NID1: variants seen among roughly 807,000 people sequenced by gnomAD.
NID1 encodes nidogen 1, also known as nidogen-1.
A neutral mutation model predicts 130.6 loss-of-function variants in NID1; 76 were observed. The observed-to-expected ratio is 0.58, with a 90% CI of 0.48 to 0.70. The LOEUF is 0.70. NID1 is among the 30% of genes least tolerant of loss of function. The pLI is 0.00. For synonymous variants in NID1, 665 were observed against 675.1 expected (o/e 0.98, Z 0.23); for missense variants, 1,517 against 1,664.8 (o/e 0.91, Z 1.54).
chr1:236,024,363 C>T (rs1039301942), intron 8 of NID1, 150 bp from the exon 9 acceptor site: 20 of 928,362 alleles, frequency 2.2e-5, no homozygotes, highest in South Asian at 6.8e-5. Flanking sequence ...CCTGTGTTGC[C>T]CTGGGGCAGG....
rs1020456099 is a variant in NID1 at position 235,976,165 on chromosome 1, C to G, written c.*1702G>C. Reference sequence around the variant, plus strand: ...GATTCTTGGGGCTATATTTGCCTCTCAAGACAAACTCCAATTATTCAAGGA... The same window carrying G: ...GATTCTTGGGGCTATATTTGCCTCTGAAGACAAACTCCAATTATTCAAGGA... On this transcript the variant is annotated 3_prime_UTR_variant, in exon 20 of 20. Coordinates refer to ENST00000264187, the MANE Select transcript of NID1 (RefSeq NM_002508.3). 1 of 152,176 alleles carries G rather than the reference C, an allele frequency of 6.6e-6. No homozygotes were observed. Among genetic ancestry groups the G allele is most frequent in the Non-Finnish European group, 1.5e-5 (1 of 68,034 alleles). 9.4% of individuals were successfully genotyped at this position (152,176 alleles called of 1,614,324 possible). A position where few individuals can be genotyped will look rare whatever the true frequency, so the allele number is the denominator to read the frequency against.
chr1:236,044,329 A>AT (rs1659537695), intron 3 of NID1, among the ~76,000 whole-genome samples: 1 of 152,212 alleles, frequency 6.6e-6, no homozygotes, highest in Admixed American at 6.6e-5. Flanking sequence ...AACAAGTTAT[A>AT]TTTTTTAAAA....
rs558428442 is a variant in NID1, at chr1:236,055,027, G to A, written c.226-6038C>T. Among the ~76,000 whole-genome samples, 15 of 152,210 alleles carry A rather than the reference G, an allele frequency of 9.9e-5. No homozygotes were observed. The South Asian group carries it at 1.7e-3, about 17-fold the overall frequency. ...ATTTGCTTAAAAATAATTCAGGGCC[G>A]CGTGCGGTGGCTCACGCCTGTAATC... On this transcript the variant is annotated intron_variant, in intron 1 of 19. Transcript: ENST00000264187.
rs10927293 is a variant in NID1 at position 236,027,853 on chromosome 1, C to A, written c.1738+1697G>T. On this transcript the variant is annotated intron_variant, in intron 7 of 19. Transcript: ENST00000264187. ...CAAAACAACAACCAGAAAACAAAAA[C>A]AAAAACAAAAAAAACGAAGGGATTC... 3.3e-5 allele frequency among the ~76,000 whole-genome samples: 5 copies of A among 150,226 alleles called. No homozygotes were observed. The South Asian group carries it at 6.3e-4, about 19-fold the overall frequency.
intron 5 of NID1, among the ~76,000 whole-genome samples, chr1:236,034,422 C>CAAAAAAAA (rs144657585): frequency 7.6e-5 from 7 of 92,636 alleles, no homozygotes; most frequent in Non-Finnish European, 1.1e-4. Flanking sequence ...AACTCCATCT[C>CAAAAAAAA]AAAAAAAAAA....
At chr1:235,980,031 G>T in intron 17 of NID1, 86 bp from the exon 18 acceptor site, 1 of 1,452,222 alleles carries the variant, frequency 6.9e-7, no homozygotes, top group Non-Finnish European at 9.6e-7. Flanking sequence ...GAGGGCAAGA[G>T]TGGGAGAAAT....
chr1:236,044,373 C>T (rs956394792), intron 3 of NID1, among the ~76,000 whole-genome samples: 3 of 152,124 alleles, frequency 2.0e-5, no homozygotes, highest in Admixed American at 1.3e-4. Flanking sequence ...ATATTCTAAT[C>T]CTTTTGCTAC....
chr1:236,016,217 C>T (rs1407902653), intron 10 of NID1, among the ~76,000 whole-genome samples: 1 of 151,964 alleles, frequency 6.6e-6, no homozygotes, highest in African/African-American at 2.4e-5. Context: ...AGGGGACTGG[C>T]CTCCCTGAGC....
In NID1 at chr1:236,029,725, C is replaced by T; in HGVS notation, c.1563G>A (p.Glu521=). 1 of 1,614,168 alleles carries T rather than the reference C, an allele frequency of 6.2e-7. No homozygotes were observed. The highest frequency in any genetic ancestry group is 8.5e-7 in the Non-Finnish European group (1 of 1,180,038). ...TGCCCGGGTGCCCCACGAAGGTCAC[C>T]TCAGCCTGGCGAGTGAACTCACCCC... The part of the protein sequence containing the change: ...ITGGEFTRQA[E]VTFVGHPGNL... Residue 521 remains glutamate (E), a synonymous_variant, in exon 7 of 20, where the codon GAG becomes GAA. Coordinates refer to ENST00000264187, the MANE Select transcript of NID1 (RefSeq NM_002508.3).
At chr1:236,055,367 T>A (rs2102850448) in intron 1 of NID1, among the ~76,000 whole-genome samples, 1 of 151,956 alleles carries the variant, frequency 6.6e-6, no homozygotes, top group African/African-American at 2.4e-5. Context: ...TAGGAATAAG[T>A]GAGGACATCA....
At position 235,993,759 on chromosome 1, in the gene NID1, G is replaced by A. The variant is rs149027520; in HGVS notation, c.2641C>T (p.His881Tyr). Residue 881 changes from histidine (H) to tyrosine (Y), a missense_variant, in exon 13 of 20, where the codon CAC becomes TAC. His to Tyr is a moderately conservative substitution (Grantham distance 83). Coordinates refer to ENST00000264187, the MANE Select transcript of NID1 (RefSeq NM_002508.3). ...PGLFVPECDA[H>Y]GHYAPTQCHG... ...CACTGGGTGGGCGCGTAGTGCCCGT[G>A]CGCATCGCACTCAGGAACGAACAGC... 484 of 1,613,984 alleles carry A rather than the reference G, an allele frequency of 3.0e-4. No individual in the cohort carries two copies. Among genetic ancestry groups the A allele is most frequent in the Middle Eastern group, 1.2e-3 (7 of 6,062 alleles).
At chr1:235,991,269 A>G (rs1314406160) in intron 13 of NID1, among the ~76,000 whole-genome samples, 6 of 152,186 alleles carry the variant, frequency 3.9e-5, no homozygotes, top group Non-Finnish European at 8.8e-5. Flanking sequence ...CCCTCAGTCA[A>G]TCAAAGAGCA....
intron 12 of NID1, among the ~76,000 whole-genome samples, chr1:236,003,160 T>C (rs545352302): frequency 3.3e-5 from 5 of 150,860 alleles, no homozygotes; most frequent in South Asian, 4.2e-4. Flanking sequence ...AGTGAACGAC[T>C]GGTAGTTGTC....
chr1:235,996,380 C>T (rs1657920997), intron 12 of NID1, among the ~76,000 whole-genome samples: 1 of 152,120 alleles, frequency 6.6e-6, no homozygotes, highest in African/African-American at 2.4e-5. Context: ...CCAAGGAATG[C>T]CTAGGTGCTT....
intron 9 of NID1, among the ~76,000 whole-genome samples, chr1:236,020,023 C>G (rs1489369532): frequency 7.8e-6 from 1 of 127,684 alleles, no homozygotes; most frequent in Non-Finnish European, 1.6e-5. Flanking sequence ...GGCGACAGAG[C>G]AAGACTCTGC....
intron 9 of NID1, among the ~76,000 whole-genome samples, chr1:236,021,151 G>GCCTCC (rs1658747303): frequency 2.0e-5 from 3 of 152,200 alleles, no homozygotes; most frequent in African/African-American, 7.2e-5. Context: ...CCGCATGCCA[G>GCCTCC]CCGTCTCACA....
At chr1:236,013,699 C>A (rs1383282771) in intron 10 of NID1, 139 bp from the exon 11 acceptor site, 20 of 918,100 alleles carry the variant, frequency 2.2e-5, no homozygotes, top group Non-Finnish European at 3.3e-5. Context: ...CTGCACCCCA[C>A]TCCTCACTGG....
At chr1:236,045,407 C>G (rs1659571575) in intron 3 of NID1, 50 bp downstream of exon 3, 2 of 1,324,892 alleles carry the variant, frequency 1.5e-6, no homozygotes, top group Non-Finnish European at 2.2e-6. Flanking sequence ...ACATTATCCA[C>G]ATTAAAAAAT....
chr1:236,064,726 G>T, intron 1 of NID1, 129 bp downstream of exon 1: 1 of 754,498 alleles, frequency 1.3e-6, no homozygotes, highest in South Asian at 1.9e-5. Context: ...ACCCTGCGCC[G>T]TGCCCGGTGC....
Sources: allele counts gnomAD v4.1 joint callset (sites outside exome capture counted in the v4.1 genomes callset), GRCh38; gene constraint gnomAD v4.1.1; transcripts MANE v1.5; gene names NCBI Gene and HGNC (gene_info 2026-07-23, HGNC 2026-07-21).